The following STON2 variants were observed in gnomAD, a reference collection of about 807,000 sequenced individuals.
STON2 encodes stonin-2.
Under a neutral mutation model 65.7 loss-of-function variants are expected in STON2, and 29 were observed. The ratio of observed to expected loss-of-function variants is 0.44; its 90% CI spans 0.33 to 0.60. STON2 has a LOEUF of 0.60. Ranked by LOEUF, STON2 falls within the 20% of genes least tolerant of loss-of-function variation. STON2 has a pLI of 0.03. For synonymous variants in STON2, 404 were observed against 414.2 expected (o/e 0.98, Z 0.30); for missense variants, 1,054 against 1,118.1 (o/e 0.94, Z 0.82).
At position 81,262,027 on chromosome 14, in the gene STON2, C is replaced by A; in HGVS notation, c.*6387G>T. 1 of 1,367,766 alleles carries A rather than the reference C, an allele frequency of 7.3e-7. No homozygotes were observed. Among genetic ancestry groups the A allele is most frequent in the Non-Finnish European group, 9.4e-7 (1 of 1,066,522 alleles). The allele number at this position is 1,367,766 out of a possible 1,614,324, so 84.7% of individuals were successfully genotyped here. On this transcript the variant is annotated 3_prime_UTR_variant, in exon 8 of 8. Transcript: ENST00000614646. ...TTTCCAATCTTCAAAATTTAAATTT[C>A]TTGGTTCTTATAAACATAGGAAGAG...
intron 1 of STON2, among the ~76,000 whole-genome samples, chr14:81,431,343 T>C (rs1902217334): frequency 6.6e-6 from 1 of 152,194 alleles, no homozygotes; most frequent in Non-Finnish European, 1.5e-5. Flanking sequence ...ACACATTTAA[T>C]ATGCATATAG....
intron 2 of STON2, among the ~76,000 whole-genome samples, chr14:81,412,293 A>G (rs1341772303): frequency 1.4e-5 from 2 of 140,170 alleles, no homozygotes; most frequent in Admixed American, 1.4e-4. Flanking sequence ...GGAAGCTGTC[A>G]AAACAGTTGA....
intron 4 of STON2, among the ~76,000 whole-genome samples, chr14:81,370,732 A>C (rs1898944713): frequency 6.6e-6 from 1 of 152,248 alleles, no homozygotes; most frequent in African/African-American, 2.4e-5. Context: ...AAACAGTCAG[A>C]AAACAACATA....
At chr14:81,352,114 CATT>C (rs574301797) in intron 4 of STON2, among the ~76,000 whole-genome samples, 1 of 152,032 alleles carries the variant, frequency 6.6e-6, no homozygotes, top group Non-Finnish European at 1.5e-5. Context: ...TTTATTAACA[CATT>C]AATACTATCA....
In STON2 at chr14:81,398,406, C is replaced by T. The variant is rs747556439; in HGVS notation, c.-24G>A. ...ATGCTAAAAAGGCACTGGTCATCTT[C>T]ACACTGCTGACCTCAGGTGAACCCC... On this transcript the variant is annotated 5_prime_UTR_variant, in exon 2 of 8. Coordinates refer to ENST00000614646, the MANE Select transcript of STON2 (RefSeq NM_001394390.1). The T allele has an allele frequency of 1.9e-6, 3 of 1,592,814 alleles. No individual in the cohort carries two copies. The South Asian group carries it at 3.3e-5, about 18-fold the overall frequency.
chr14:81,318,997 T>G (rs1221266790), intron 5 of STON2, among the ~76,000 whole-genome samples: 4 of 152,226 alleles, frequency 2.6e-5, no homozygotes, highest in Non-Finnish European at 5.9e-5. Context: ...CTGTGGCTTG[T>G]AGCCCCATCT....
intron 4 of STON2, among the ~76,000 whole-genome samples, chr14:81,343,835 T>C (rs1469380978): frequency 4.6e-5 from 7 of 152,184 alleles, no homozygotes; most frequent in East Asian, 1.9e-4. Context: ...ATTATTATTA[T>C]TATTTCCATT....
intron 2 of STON2, 70 bp downstream of exon 2, chr14:81,398,225 T>C: frequency 9.2e-7 from 1 of 1,085,538 alleles, no homozygotes; most frequent in South Asian, 1.5e-5. Context: ...AATAATCAAG[T>C]AGAAGCCATA....
chr14:81,299,939 C>T (rs1158236581), intron 5 of STON2, among the ~76,000 whole-genome samples: 1 of 150,486 alleles, frequency 6.6e-6, no homozygotes, highest in African/African-American at 2.4e-5. Context: ...ATAAAAACTC[C>T]CAGGCTTAAA....
rs566907766 is a variant in STON2, at chr14:81,264,068, C to T, written c.*4346G>A. ...CTCTATCAAATGCTTTCTTTTCCTA[C>T]TGACCATTGAAATGGGCAAGGCTCA... On this transcript the variant is annotated 3_prime_UTR_variant, in exon 8 of 8. Transcript: ENST00000614646. 4 of 985,446 alleles carry T rather than the reference C, an allele frequency of 4.1e-6. No homozygotes were observed. In the Admixed American group the frequency reaches 2.5e-4, roughly 61 times the overall value. 61.0% of individuals were successfully genotyped at this position (985,446 alleles called of 1,614,324 possible).
chr14:81,318,152 C>T (rs10142173), intron 5 of STON2, among the ~76,000 whole-genome samples: 118,205 of 151,800 alleles, frequency 0.78, 46,312 homozygotes, highest in Non-Finnish European at 0.82. Context: ...TTAGTAGAGA[C>T]GGGGTTTCAC....
At position 81,337,028 on chromosome 14, in the gene STON2, A is replaced by C. The variant is rs558277562; in HGVS notation, c.572-12841T>G. Among the ~76,000 whole-genome samples, 3 of 152,298 alleles carry C rather than the reference A, an allele frequency of 2.0e-5. No homozygotes were observed. In the South Asian group the frequency reaches 6.2e-4, roughly 32 times the overall value. The stretch of plus-strand genomic sequence containing the variant: ...GTCCCAAGGTTCTAACTGCAGTAAT[A>C]AATTCGAGGATGTGAAAATCACTGT... On this transcript the variant is annotated intron_variant, in intron 4 of 7. Transcript: ENST00000614646.
At chr14:81,339,085 G>A (rs1179375646) in intron 4 of STON2, among the ~76,000 whole-genome samples, 1 of 152,078 alleles carries the variant, frequency 6.6e-6, no homozygotes, top group East Asian at 1.9e-4. Flanking sequence ...CAGGAAAGGT[G>A]GAGGCAAGCA....
chr14:81,396,273 C>T (rs765843561), intron 2 of STON2, 95 bp from the exon 3 acceptor site: 49 of 1,188,886 alleles, frequency 4.1e-5, no homozygotes, highest in Non-Finnish European at 5.3e-5. Flanking sequence ...ATGGGGTGCC[C>T]GCATGACTCG....
chr14:81,281,740 A>G (rs1895131461), intron 5 of STON2, among the ~76,000 whole-genome samples: 1 of 152,240 alleles, frequency 6.6e-6, no homozygotes, highest in Non-Finnish European at 1.5e-5. Flanking sequence ...TTTTCAAACC[A>G]AGTTAGTTTA....
Position 81,262,319 on chromosome 14 carries a change from C to G in STON2, c.*6095G>C. The stretch of plus-strand genomic sequence containing the variant: ...TTAAATAAACAATCCTCAATGTCCT[C>G]GTGTCTAGCCTTTCCTCCCTTTAGG... On this transcript the variant is annotated 3_prime_UTR_variant, in exon 8 of 8. Coordinates refer to ENST00000614646, the MANE Select transcript of STON2 (RefSeq NM_001394390.1). 8.1e-6 allele frequency: 8 copies of G among 985,468 alleles called. No individual in the cohort carries two copies. The highest frequency in any genetic ancestry group is 9.6e-6 in the Non-Finnish European group (8 of 829,936). 61.0% of individuals were successfully genotyped at this position (985,468 alleles called of 1,614,324 possible).
chr14:81,337,436 T>C (rs1897416776), intron 4 of STON2, among the ~76,000 whole-genome samples: 1 of 151,970 alleles, frequency 6.6e-6, no homozygotes, highest in Non-Finnish European at 1.5e-5. Flanking sequence ...CAAAGGACAA[T>C]CCAAATCAGA....
Position 81,265,077 on chromosome 14 carries a change from CAAAA to C in STON2, c.*3333_*3336del. ...TGATAACAAAGATTATTTGTGACCACAAAAAAAAAAAATAAAAAGTCCAGGTCCA... is the reference window on the plus strand; with the variant it reads ...TGATAACAAAGATTATTTGTGACCACAAAAAAAATAAAAAGTCCAGGTCCA... On this transcript the variant is annotated 3_prime_UTR_variant, in exon 8 of 8. Transcript: ENST00000614646. 2 of 765,816 alleles carry C rather than the reference CAAAA, an allele frequency of 2.6e-6. No individual in the cohort carries two copies. Among genetic ancestry groups the C allele is most frequent in the Non-Finnish European group, 3.1e-6 (2 of 638,436 alleles). The allele number at this position is 765,816 out of a possible 1,614,324, so 47.4% of individuals were successfully genotyped here.
intron 5 of STON2, among the ~76,000 whole-genome samples, chr14:81,287,550 A>G (rs956095753): frequency 3.3e-5 from 5 of 152,148 alleles, no homozygotes; most frequent in African/African-American, 1.2e-4. Context: ...CTGCCCTGCC[A>G]ACTCCCTCCC....
Sources: allele counts gnomAD v4.1 joint callset (sites outside exome capture counted in the v4.1 genomes callset), GRCh38; gene constraint gnomAD v4.1.1; transcripts MANE v1.5; gene names NCBI Gene and HGNC (gene_info 2026-07-23, HGNC 2026-07-21).